C16orf74: variants seen among roughly 807,000 people sequenced by gnomAD.
C16orf74 encodes the protein uncharacterized protein C16orf74.
In C16orf74, 10 loss-of-function variants were observed where a neutral mutation model predicts 6.5. That is an observed-to-expected ratio of 1.54 (90% confidence interval 0.95 to 2.61). The LOEUF (loss-of-function observed/expected upper bound fraction) is 2.61. Ranked by LOEUF, C16orf74 falls within the 30% of genes most tolerant of loss-of-function variation. The pLI, the probability that C16orf74 is intolerant of heterozygous loss-of-function variation, is 0.00. For missense variants in C16orf74, 141 were observed against 105.9 expected, an observed-to-expected ratio of 1.33 and a Z score of -1.45; for synonymous variants, 60 against 42.5, an observed-to-expected ratio of 1.41 and a Z score of -1.60.
chr16:85,709,424 C>G (rs2053944775), intron 3 of C16orf74, among the ~76,000 whole-genome samples: 1 of 152,016 alleles, frequency 6.6e-6, no homozygotes, highest in African/African-American at 2.4e-5. Context: ...CTGAGAATTC[C>G]TGTAAGAACT....
intron 1 of C16orf74, among the ~76,000 whole-genome samples, chr16:85,746,825 T>G (rs2054378821): frequency 6.6e-6 from 1 of 152,226 alleles, no homozygotes; most frequent in Non-Finnish European, 1.5e-5. Flanking sequence ...ATGGTGCTTT[T>G]CTTCCTTCTT....
chr16:85,746,577 C>T (rs1156685061), intron 1 of C16orf74, among the ~76,000 whole-genome samples: 1 of 152,144 alleles, frequency 6.6e-6, no homozygotes, highest in South Asian at 2.1e-4. Context: ...GTCACGGTGG[C>T]ACCTTGCCCT....
At chr16:85,735,802 T>C (rs937609556) in intron 1 of C16orf74, among the ~76,000 whole-genome samples, 3 of 151,996 alleles carry the variant, frequency 2.0e-5, no homozygotes, top group Admixed American at 2.0e-4. Flanking sequence ...TCTCATGATG[T>C]TCCTGCAACA....
At chr16:85,722,615 C>G (rs147106512) in intron 2 of C16orf74, among the ~76,000 whole-genome samples, 40 of 152,248 alleles carry the variant, frequency 2.6e-4, no homozygotes, top group African/African-American at 9.6e-4. Context: ...CTGCCTTGCT[C>G]TGCTCGCTCC....
Position 85,708,055 on chromosome 16 carries a change from C to T in C16orf74, c.184G>A (p.Glu62Lys), listed in dbSNP as rs1402326803. ...CCATCATCTGGGCACGACCCTGTCTCATCCAGCCAGACTAGGAGAAAGAGG... is the reference window on the plus strand; with the variant it reads ...CCATCATCTGGGCACGACCCTGTCTTATCCAGCCAGACTAGGAGAAAGAGG... ...RDLGSTVWLD[E>K]TGSCPDDGEI... Residue 62 changes from glutamate to lysine, a missense_variant, in exon 4 of 4, where the codon GAG (glutamate) becomes AAG (lysine). Physicochemically the swap from Glu to Lys is moderately conservative, Grantham distance 56. Coordinates refer to ENST00000284245, the MANE Select transcript of C16orf74 (RefSeq NM_206967.3). 1.3e-6 allele frequency: 2 copies of T among 1,553,448 alleles called. No homozygotes were observed. The highest frequency in any genetic ancestry group is 1.2e-5 in the South Asian group (1 of 84,110).
intron 2 of C16orf74, among the ~76,000 whole-genome samples, chr16:85,727,610 G>C (rs1177830445): frequency 6.6e-6 from 1 of 151,534 alleles, no homozygotes; most frequent in Admixed American, 6.6e-5. Context: ...AGGAGTTCAA[G>C]ACCAACCTGC....
intron 3 of C16orf74, 34 bp from the exon 4 acceptor site, chr16:85,708,100 C>T (rs1598775446): frequency 6.6e-7 from 1 of 1,526,346 alleles, no homozygotes; most frequent in South Asian, 1.2e-5. Flanking sequence ...CCTGGATGCA[C>T]CCTGCCCCCA....
intron 3 of C16orf74, among the ~76,000 whole-genome samples, chr16:85,709,186 T>A (rs1403533755): frequency 6.6e-6 from 1 of 152,032 alleles, no homozygotes; most frequent in African/African-American, 2.4e-5. Flanking sequence ...GAAACCCCAT[T>A]TCTACTAAAA....
chr16:85,746,990 G>C (rs2054381254), intron 1 of C16orf74, among the ~76,000 whole-genome samples: 1 of 152,142 alleles, frequency 6.6e-6, no homozygotes, highest in Non-Finnish European at 1.5e-5. Context: ...CCCTCTCTGA[G>C]TGGCCAGGAC....
intron 2 of C16orf74, among the ~76,000 whole-genome samples, chr16:85,719,911 C>A (rs1405578804): frequency 6.6e-6 from 1 of 151,862 alleles, no homozygotes; most frequent in Non-Finnish European, 1.5e-5. Flanking sequence ...ACGCAAAGGC[C>A]CTGAGGCAGG....
chr16:85,727,010 G>T (rs1197172207), intron 2 of C16orf74, among the ~76,000 whole-genome samples: 2 of 152,234 alleles, frequency 1.3e-5, no homozygotes, highest in African/African-American at 4.8e-5. Context: ...CTTCCATCCA[G>T]CACTGAGTTA....
intron 2 of C16orf74, among the ~76,000 whole-genome samples, chr16:85,729,298 C>A (rs1027119265): frequency 4.6e-5 from 7 of 152,212 alleles, no homozygotes; most frequent in African/African-American, 1.7e-4. Flanking sequence ...TAGGGTGAGG[C>A]ACGAGGGAGA....
chr16:85,740,538 TAAAA>T (rs1177365625), intron 1 of C16orf74, among the ~76,000 whole-genome samples: 8 of 151,746 alleles, frequency 5.3e-5, no homozygotes, highest in Non-Finnish European at 1.0e-4. Context: ...CCGTCTCTAC[TAAAA>T]ATATAAAAAA....
intron 2 of C16orf74, among the ~76,000 whole-genome samples, chr16:85,725,263 G>C (rs980915850): frequency 1.3e-5 from 2 of 152,044 alleles, no homozygotes; most frequent in Admixed American, 6.5e-5. Flanking sequence ...GCAGAGATCT[G>C]TTCAGAAGGT....
intron 2 of C16orf74, among the ~76,000 whole-genome samples, chr16:85,732,195 T>C (rs911014081): frequency 6.6e-6 from 1 of 152,188 alleles, no homozygotes; most frequent in Non-Finnish European, 1.5e-5. Context: ...TCCTTAGAGC[T>C]TCCAGAAGAA....
chr16:85,748,295 A>T (rs1031960745), intron 1 of C16orf74, among the ~76,000 whole-genome samples: 5 of 151,854 alleles, frequency 3.3e-5, no homozygotes, highest in Non-Finnish European at 7.4e-5. Flanking sequence ...TGATTGGCAA[A>T]TGGTTGAGAG....
chr16:85,740,538 T>C (rs1598806166), intron 1 of C16orf74, among the ~76,000 whole-genome samples: 1 of 151,746 alleles, frequency 6.6e-6, no homozygotes, highest in Non-Finnish European at 1.5e-5. Flanking sequence ...CCGTCTCTAC[T>C]AAAAATATAA....
At chr16:85,733,748 G>A (rs2152063624) in intron 2 of C16orf74, among the ~76,000 whole-genome samples, 1 of 152,226 alleles carries the variant, frequency 6.6e-6, no homozygotes. Context: ...CCACTCCTCT[G>A]TGGGGTCAGC....
At chr16:85,746,729 G>A (rs2054377407) in intron 1 of C16orf74, among the ~76,000 whole-genome samples, 2 of 152,226 alleles carry the variant, frequency 1.3e-5, no homozygotes, top group African/African-American at 4.8e-5. Flanking sequence ...GGCTTGGTAA[G>A]CCCCTTCAGC....
Sources: gnomAD v4.1 joint callset for allele counts (sites outside exome capture counted in the v4.1 genomes callset) on GRCh38, gnomAD v4.1.1 for gene constraint, MANE v1.5 for transcripts, NCBI Gene and HGNC (gene_info 2026-07-23, HGNC 2026-07-21) for gene names.